Variants in TMPRSS15 observed in about 807,000 individuals in gnomAD.
TMPRSS15 encodes the protein transmembrane serine protease 15.
TMPRSS15 carries 128 observed loss-of-function variants against 125.3 expected under a neutral mutation model. That is an observed-to-expected ratio of 1.02 (90% CI 0.89 to 1.18). The LOEUF is 1.18. TMPRSS15 is among the 50% of genes most tolerant of loss of function. TMPRSS15 has a pLI of 0.00. For missense variants in TMPRSS15, 1,283 were observed against 1,212.7 expected, an observed-to-expected ratio of 1.06 and a Z score of -0.86; for synonymous variants, 446 against 423.2, an observed-to-expected ratio of 1.05 and a Z score of -0.66.
intron 21 of TMPRSS15, among the ~76,000 whole-genome samples, chr21:18,292,832 G>A (rs866574424): frequency 3.3e-5 from 5 of 152,176 alleles, no homozygotes; most frequent in Admixed American, 6.5e-5. Flanking sequence ...AGAAGGGGAT[G>A]GAAAAATTGC....
intron 21 of TMPRSS15, among the ~76,000 whole-genome samples, chr21:18,289,913 G>T (rs1459603492): frequency 6.6e-6 from 1 of 152,172 alleles, no homozygotes; most frequent in Non-Finnish European, 1.5e-5. Context: ...TTTAACAGGT[G>T]CATGCATTTA....
rs774709889 is a variant in TMPRSS15, at chr21:18,351,582, CACGTAAG to C, written c.1171+1314_1171+1320del. Among the ~76,000 whole-genome samples, 54 of 152,270 alleles carry C rather than the reference CACGTAAG, an allele frequency of 3.5e-4. 1 individual carries two copies. The highest frequency in any genetic ancestry group is 9.2e-4 in the Admixed American group (14 of 15,284). On this transcript the variant is annotated intron_variant, in intron 10 of 24. Coordinates refer to ENST00000284885, the MANE Select transcript of TMPRSS15 (RefSeq NM_002772.3). ...ACACTCACTGTCTCTTGCCTGCAGC[CACGTAAG>C]ACGTGTCTGCTTTGCCTTCTGCCAT...
At position 18,314,904 on chromosome 21, in the gene TMPRSS15, C is replaced by G. The variant is rs537571479; in HGVS notation, c.2032+242G>C. Among the ~76,000 whole-genome samples, 42 of 152,044 alleles carry G rather than the reference C, an allele frequency of 2.8e-4. No individual in the cohort carries two copies. In the East Asian group the frequency reaches 7.5e-3, roughly 27 times the overall value. On this transcript the variant is annotated intron_variant, in intron 17 of 24. Coordinates refer to ENST00000284885, the MANE Select transcript of TMPRSS15 (RefSeq NM_002772.3). ...GCTTCCTATATGGATATTTGTTGCT[C>G]TAGAATTACAGTTAATAAGTGTGAC...
At position 18,447,439 on chromosome 21, in the gene TMPRSS15, C is replaced by CAAAA. The variant is rs57558994; in HGVS notation, c.10+38356_10+38359dup. ...TGGGCGACAGAGTAAGACTTCAACT[C>CAAAA]AAAAAAAAAAAAAAAAAAAGACATA... is the stretch of plus-strand genomic sequence containing the variant. On this transcript the variant is annotated intron_variant, in intron 1 of 7. Coordinates refer to the TMPRSS15 transcript ENST00000422787. 9.7e-3 allele frequency among the ~76,000 whole-genome samples: 856 copies of CAAAA among 87,948 alleles called. 19 individuals carry two copies. Among genetic ancestry groups the CAAAA allele is most frequent in the African/African-American group, 0.021 (463 of 22,258 alleles). 57.7% of individuals were successfully genotyped at this position (87,948 alleles called of 152,430 possible).
At chr21:18,386,504 T>C (rs767862862) in intron 3 of TMPRSS15, among the ~76,000 whole-genome samples, 9 of 152,202 alleles carry the variant, frequency 5.9e-5, no homozygotes, top group Non-Finnish European at 1.2e-4. Flanking sequence ...TGGATATTTT[T>C]GGGGAGAAGG....
At chr21:18,373,204 A>C (rs913650269) in intron 5 of TMPRSS15, among the ~76,000 whole-genome samples, 1 of 152,130 alleles carries the variant, frequency 6.6e-6, no homozygotes, top group Admixed American at 6.5e-5. Flanking sequence ...TGCTCTATAA[A>C]ATTAATTGGA....
At chr21:18,346,906 A>G (rs1049660714) in intron 10 of TMPRSS15, among the ~76,000 whole-genome samples, 7 of 152,180 alleles carry the variant, frequency 4.6e-5, no homozygotes, top group African/African-American at 1.7e-4. Context: ...CTGATATTTG[A>G]GGCCCCTGTG....
In TMPRSS15 at chr21:18,321,349, C is replaced by CTTTTTT. The variant is rs751011766; in HGVS notation, c.1921+5077_1921+5082dup. On this transcript the variant is annotated intron_variant, in intron 16 of 24. Transcript: ENST00000284885. ...TGAAGCAAAAACGATTTTTTTCCTT[C>CTTTTTT]TTTTTTTTTTTTTTTTTTTTTGAGA... is the stretch of plus-strand genomic sequence containing the variant. 6.5e-3 allele frequency among the ~76,000 whole-genome samples: 650 copies of CTTTTTT among 100,548 alleles called. 16 individuals carry two copies. The highest frequency in any genetic ancestry group is 8.0e-3 in the African/African-American group (196 of 24,654). The allele number at this position is 100,548 out of a possible 152,430, so 66.0% of individuals were successfully genotyped here.
chr21:18,366,562 T>TA (rs2075740180), intron 6 of TMPRSS15, among the ~76,000 whole-genome samples: 4 of 152,162 alleles, frequency 2.6e-5, no homozygotes, highest in Admixed American at 2.0e-4. Context: ...AGCCATAACT[T>TA]AGAGATTTTT....
intron 1 of TMPRSS15, among the ~76,000 whole-genome samples, chr21:18,414,972 C>T (rs182576493): frequency 9.9e-5 from 15 of 152,164 alleles, no homozygotes; most frequent in African/African-American, 9.6e-5. Flanking sequence ...TGTTACATTC[C>T]TACAAACACT....
chr21:18,321,411 G>T (rs1296423036), intron 16 of TMPRSS15, among the ~76,000 whole-genome samples: 1 of 129,244 alleles, frequency 7.7e-6, no homozygotes, highest in African/African-American at 3.1e-5. Context: ...GGAGTGCTGT[G>T]GCGCGATCTC....
At chr21:18,437,549 T>C (rs1303380633) in intron 1 of TMPRSS15, among the ~76,000 whole-genome samples, 2 of 152,000 alleles carry the variant, frequency 1.3e-5, no homozygotes, top group Non-Finnish European at 2.9e-5. Context: ...ACCTACAAAA[T>C]GGGAGAAAAT....
chr21:18,392,682 C>A (rs2076000780), intron 3 of TMPRSS15, among the ~76,000 whole-genome samples: 1 of 152,098 alleles, frequency 6.6e-6, no homozygotes, highest in African/African-American at 2.4e-5. Context: ...TTTCACACTG[C>A]TATAAAGATA....
chr21:18,295,276 C>CT (rs2074891295), intron 19 of TMPRSS15, among the ~76,000 whole-genome samples: 1 of 152,154 alleles, frequency 6.6e-6, no homozygotes, highest in Non-Finnish European at 1.5e-5. Context: ...TAAATACCAA[C>CT]TTTTTTCAGT....
intron 1 of TMPRSS15, among the ~76,000 whole-genome samples, chr21:18,423,782 G>T (rs2076197302): frequency 6.6e-6 from 1 of 151,984 alleles, no homozygotes; most frequent in Non-Finnish European, 1.5e-5. Context: ...CAATTCATAT[G>T]CATCTCTATG....
At chr21:18,403,368 A>G in intron 1 of TMPRSS15, 110 bp downstream of exon 1, 1 of 1,458,876 alleles carries the variant, frequency 6.9e-7, no homozygotes, top group South Asian at 1.2e-5. Flanking sequence ...TGAAAGCCCA[A>G]AATAATGCAT....
intron 10 of TMPRSS15, among the ~76,000 whole-genome samples, chr21:18,349,224 C>T (rs1260614283): frequency 6.6e-6 from 1 of 152,174 alleles, no homozygotes. Flanking sequence ...CCTCATTTGT[C>T]CTGAGCCTTC....
chr21:18,365,706 C>CCTTCCT (rs2075728837), intron 6 of TMPRSS15, among the ~76,000 whole-genome samples: 3 of 135,226 alleles, frequency 2.2e-5, no homozygotes, highest in African/African-American at 5.6e-5. Context: ...TTCCTACCTT[C>CCTTCCT]TCTCTCTCTC....
chr21:18,326,259 C>T (rs1166326045), intron 16 of TMPRSS15, among the ~76,000 whole-genome samples, 173 bp downstream of exon 16: 3 of 152,150 alleles, frequency 2.0e-5, no homozygotes, highest in African/African-American at 7.2e-5. Flanking sequence ...TGAACGAACT[C>T]AGGTAACGGT....
Sources: gnomAD v4.1 joint callset for allele counts (sites outside exome capture counted in the v4.1 genomes callset) on GRCh38, gnomAD v4.1.1 for gene constraint, MANE v1.5 for transcripts, NCBI Gene and HGNC (gene_info 2026-07-23, HGNC 2026-07-21) for gene names.